Variants in GRID1 observed in about 807,000 individuals in gnomAD.
GRID1 encodes the protein glutamate ionotropic receptor delta type subunit 1.
Under a neutral mutation model 98.0 loss-of-function variants are expected in GRID1, and 28 were observed. The observed-to-expected ratio is 0.29, with a 90% confidence interval of 0.21 to 0.39. The LOEUF is 0.39. Ranked by LOEUF, GRID1 falls within the 10% of genes least tolerant of loss-of-function variation. The pLI, the probability that GRID1 is intolerant of heterozygous loss-of-function variation, is 1.00. For missense variants in GRID1, 1,111 were observed against 1,340.5 expected (o/e 0.83, Z 2.67); for synonymous variants, 553 against 538.5 (o/e 1.03, Z -0.37).
At chr10:85,769,496 C>T (rs1307131325) in intron 8 of GRID1, among the ~76,000 whole-genome samples, 1 of 152,122 alleles carries the variant, frequency 6.6e-6, no homozygotes, top group Admixed American at 6.5e-5. Flanking sequence ...TGCAGCACAC[C>T]ATGTGCGAGC....
At chr10:85,951,901 T>C (rs1178680992) in intron 4 of GRID1, among the ~76,000 whole-genome samples, 1 of 152,248 alleles carries the variant, frequency 6.6e-6, no homozygotes, top group South Asian at 2.1e-4. Context: ...CCTGTGTTCC[T>C]GGGGGTGAGG....
chr10:85,611,585 C>T (rs1456650167), intron 15 of GRID1, among the ~76,000 whole-genome samples: 5 of 152,192 alleles, frequency 3.3e-5, no homozygotes, highest in African/African-American at 1.2e-4. Flanking sequence ...GGAGCGGGTG[C>T]AACGTGTGCC....
chr10:85,795,386 C>G (rs983466648), intron 8 of GRID1, among the ~76,000 whole-genome samples: 3 of 152,190 alleles, frequency 2.0e-5, no homozygotes, highest in Non-Finnish European at 4.4e-5. Flanking sequence ...GTCAGTCTTA[C>G]AAGACGCACC....
intron 8 of GRID1, among the ~76,000 whole-genome samples, chr10:85,818,261 T>G (rs1278314045): frequency 6.6e-6 from 1 of 152,234 alleles, no homozygotes; most frequent in African/African-American, 2.4e-5. Flanking sequence ...TATACATACA[T>G]GTATGTGTGT....
intron 3 of GRID1, among the ~76,000 whole-genome samples, chr10:86,200,691 GACAA>G (rs1473008178): frequency 2.0e-5 from 3 of 152,062 alleles, no homozygotes; most frequent in Non-Finnish European, 4.4e-5. Flanking sequence ...TGTTCACTAA[GACAA>G]ACAATTAACT....
At chr10:85,993,656 AAGG>A (rs1426707116) in intron 4 of GRID1, among the ~76,000 whole-genome samples, 1 of 152,178 alleles carries the variant, frequency 6.6e-6, no homozygotes, top group African/African-American at 2.4e-5. Context: ...AGAGAAGAAG[AAGG>A]AGAAGAAAAT....
chr10:85,689,341 T>C (rs1841307109), intron 12 of GRID1, among the ~76,000 whole-genome samples: 1 of 151,814 alleles, frequency 6.6e-6, no homozygotes, highest in Non-Finnish European at 1.5e-5. Flanking sequence ...AAAATTGAAA[T>C]TGCTCAAATG....
At chr10:85,784,289 TACA>T (rs1842406331) in intron 8 of GRID1, among the ~76,000 whole-genome samples, 1 of 152,176 alleles carries the variant, frequency 6.6e-6, no homozygotes. Context: ...AGGCTCTGAC[TACA>T]TAAACCAATC....
rs1841014136 is a variant in GRID1, at chr10:85,881,498, A to G, written c.781-12318T>C. Among the ~76,000 whole-genome samples, 4 of 152,360 alleles carry G rather than the reference A, an allele frequency of 2.6e-5. No homozygotes were observed. In the South Asian group the frequency reaches 8.3e-4, roughly 32 times the overall value. On this transcript the variant is annotated intron_variant, in intron 5 of 15. Coordinates refer to ENST00000327946, the MANE Select transcript of GRID1 (RefSeq NM_017551.3). Reference sequence around the variant, plus strand: ...ATCTACAACCAGCTGATCTTTGACAAACCTGACAAAAACAAGCAATGGGGA... The same window carrying G: ...ATCTACAACCAGCTGATCTTTGACAGACCTGACAAAAACAAGCAATGGGGA...
chr10:86,269,160 G>A (rs918517749), intron 2 of GRID1, among the ~76,000 whole-genome samples: 3 of 152,180 alleles, frequency 2.0e-5, no homozygotes, highest in African/African-American at 7.2e-5. Flanking sequence ...TAAAATAACA[G>A]GAGCACAGAC....
intron 4 of GRID1, among the ~76,000 whole-genome samples, chr10:85,965,990 A>T (rs1021240155): frequency 6.6e-6 from 1 of 152,102 alleles, no homozygotes; most frequent in African/African-American, 2.4e-5. Context: ...GGTTAAGAAG[A>T]CCATCTTCCT....
intron 2 of GRID1, among the ~76,000 whole-genome samples, chr10:86,343,074 T>C (rs1334856337): frequency 6.6e-6 from 1 of 152,240 alleles, no homozygotes; most frequent in Non-Finnish European, 1.5e-5. Flanking sequence ...TTCTCTCTGC[T>C]GATAGCACTC....
chr10:86,002,963 T>C (rs1842818714), intron 4 of GRID1, among the ~76,000 whole-genome samples: 2 of 152,198 alleles, frequency 1.3e-5, no homozygotes, highest in Admixed American at 6.5e-5. Context: ...ATCTTAGGGT[T>C]GGCCCTAACT....
At chr10:85,614,505 CA>C (rs2132515458) in intron 14 of GRID1, among the ~76,000 whole-genome samples, 1 of 152,198 alleles carries the variant, frequency 6.6e-6, no homozygotes, top group East Asian at 1.9e-4. Flanking sequence ...AGAAGGAAAT[CA>C]AGGCACAGAG....
intron 15 of GRID1, among the ~76,000 whole-genome samples, chr10:85,611,591 G>A (rs60637357): frequency 0.35 from 53,223 of 152,026 alleles, 9,442 homozygotes; most frequent in Middle Eastern, 0.51. Context: ...GGTGCAACGT[G>A]TGCCAATTTG....
intron 12 of GRID1, among the ~76,000 whole-genome samples, chr10:85,703,734 T>TA (rs1841480959): frequency 6.6e-6 from 1 of 152,054 alleles, no homozygotes; most frequent in African/African-American, 2.4e-5. Flanking sequence ...CTAAACACCA[T>TA]AAAAAATTTG....
chr10:86,222,779 C>T (rs1351940188), intron 2 of GRID1, among the ~76,000 whole-genome samples: 3 of 152,164 alleles, frequency 2.0e-5, no homozygotes, highest in Admixed American at 6.5e-5. Context: ...TCACAGAGCC[C>T]GAGCACTTCC....
At chr10:86,114,773 G>A (rs1043183627) in intron 4 of GRID1, among the ~76,000 whole-genome samples, 3 of 152,182 alleles carry the variant, frequency 2.0e-5, no homozygotes, top group Admixed American at 6.5e-5. Flanking sequence ...AGGGAAACTG[G>A]TAGAACCAGA....
chr10:86,296,024 G>A (rs538524617), intron 2 of GRID1, among the ~76,000 whole-genome samples: 7 of 152,322 alleles, frequency 4.6e-5, no homozygotes, highest in Admixed American at 3.9e-4. Context: ...GCCCTAGCTA[G>A]TGCTACTGGG....
Sources: allele counts gnomAD v4.1 joint callset (sites outside exome capture counted in the v4.1 genomes callset), GRCh38; gene constraint gnomAD v4.1.1; transcripts MANE v1.5; gene names NCBI Gene and HGNC (gene_info 2026-07-23, HGNC 2026-07-21).